Variants in HIBADH observed in about 807,000 individuals in gnomAD.
HIBADH encodes 3-hydroxyisobutyrate dehydrogenase, also known as 3-hydroxyisobutyrate dehydrogenase, mitochondrial.
Under a neutral mutation model 36.1 loss-of-function variants are expected in HIBADH, and 25 were observed. That is an observed-to-expected ratio of 0.69 (90% CI 0.50 to 0.97). The LOEUF (loss-of-function observed/expected upper bound fraction) is 0.97. Among genes scored for constraint, HIBADH ranks in the 50% least tolerant of loss-of-function variants. The probability of loss-of-function intolerance (pLI) is 0.00; values close to 1 mark genes in which losing one functional copy is unlikely to be tolerated. For synonymous variants in HIBADH, 160 were observed against 149.5 expected, an observed-to-expected ratio of 1.07 and a Z score of -0.51; for missense variants, 421 against 418.0, an observed-to-expected ratio of 1.01 and a Z score of -0.06.
chr7:27,644,599 C>CGAAA (rs1403972269), intron 2 of HIBADH, among the ~76,000 whole-genome samples: 1 of 112,686 alleles, frequency 8.9e-6, no homozygotes, highest in African/African-American at 3.6e-5. Context: ...GACTCCATCT[C>CGAAA]AAAAAAAAAA....
chr7:27,626,325 T>C (rs1378730318), intron 4 of HIBADH, among the ~76,000 whole-genome samples: 1 of 152,166 alleles, frequency 6.6e-6, no homozygotes, highest in African/African-American at 2.4e-5. Context: ...TATAAACTAC[T>C]ATCTATACTA....
At chr7:27,605,812 A>C (rs1278908256) in intron 4 of HIBADH, among the ~76,000 whole-genome samples, 3 of 152,084 alleles carry the variant, frequency 2.0e-5, no homozygotes, top group Non-Finnish European at 4.4e-5. Flanking sequence ...AAATCGTTAT[A>C]TCTTTAACAA....
At chr7:27,613,171 A>AT (rs1418563685) in intron 4 of HIBADH, among the ~76,000 whole-genome samples, 170 of 8,022 alleles carry the variant, frequency 0.021, no homozygotes, top group East Asian at 0.1. Context: ...ATATATTTAT[A>AT]TAAATATATT....
chr7:27,644,833 C>T (rs995031510), intron 2 of HIBADH, among the ~76,000 whole-genome samples: 3 of 151,830 alleles, frequency 2.0e-5, no homozygotes, highest in African/African-American at 4.8e-5. Context: ...TTTCCCTCTT[C>T]CCCAGCGCTA....
chr7:27,549,265 T>A (rs1338732278), intron 4 of HIBADH, among the ~76,000 whole-genome samples: 1 of 152,184 alleles, frequency 6.6e-6, no homozygotes, highest in African/African-American at 2.4e-5. Context: ...TGAGAGTAGA[T>A]TTTAAGTGCT....
At chr7:27,624,238 G>A (rs926535288) in intron 4 of HIBADH, among the ~76,000 whole-genome samples, 1 of 151,822 alleles carries the variant, frequency 6.6e-6, no homozygotes, top group Admixed American at 6.6e-5. Flanking sequence ...AAAAGAGCCC[G>A]ATTATTCAAA....
intron 4 of HIBADH, among the ~76,000 whole-genome samples, chr7:27,596,771 G>C (rs1446826114): frequency 6.6e-6 from 1 of 152,120 alleles, no homozygotes; most frequent in Non-Finnish European, 1.5e-5. Flanking sequence ...GTACTTACTG[G>C]CTGAGCATCC....
intron 4 of HIBADH, among the ~76,000 whole-genome samples, chr7:27,601,470 A>G (rs1367339491): frequency 6.6e-6 from 1 of 152,076 alleles, no homozygotes; most frequent in Non-Finnish European, 1.5e-5. Context: ...AAATACCTAT[A>G]CTATAAACGT....
chr7:27,576,170 A>G (rs1307180619), intron 4 of HIBADH, among the ~76,000 whole-genome samples: 1 of 152,212 alleles, frequency 6.6e-6, no homozygotes, highest in East Asian at 1.9e-4. Flanking sequence ...ATGAGGGAGG[A>G]GGAGGAACTG....
intron 1 of HIBADH, among the ~76,000 whole-genome samples, chr7:27,661,856 TAAC>T (rs1786427715): frequency 6.6e-6 from 1 of 152,096 alleles, no homozygotes; most frequent in African/African-American, 2.4e-5. Context: ...GAACAACTGA[TAAC>T]AACTTTCTAG....
At position 27,649,485 on chromosome 7, in the gene HIBADH, A is replaced by T. The variant is rs1305940499; in HGVS notation, c.240T>A (p.Asp80Glu). The change falls in exon 2 of 8, where the codon GAT becomes GAA. Residue 80 changes from aspartate to glutamate, a missense_variant. Coordinates refer to ENST00000265395, the MANE Select transcript of HIBADH (RefSeq NM_152740.4). ...VFPDACKEFQ[D>E]AGEQVVSSPA... ...GAAAAGGTCTTACCTGTTCACCTGC[A>T]TCTTGAAACTCTTTGCAGGCATCAG... The T allele has an allele frequency of 6.2e-7, 1 of 1,611,494 alleles. No individual in the cohort carries two copies. The highest frequency in any genetic ancestry group is 2.2e-5 in the East Asian group (1 of 44,852).
intron 4 of HIBADH, among the ~76,000 whole-genome samples, chr7:27,594,912 C>T (rs961485774): frequency 6.6e-5 from 10 of 152,134 alleles, no homozygotes; most frequent in African/African-American, 1.7e-4. Context: ...TAGATTTCTA[C>T]GCTCACCCCT....
At chr7:27,621,236 A>G (rs1435533987) in intron 4 of HIBADH, among the ~76,000 whole-genome samples, 3 of 152,182 alleles carry the variant, frequency 2.0e-5, no homozygotes, top group Non-Finnish European at 4.4e-5. Flanking sequence ...CATAAAACAA[A>G]TATTACTAGA....
intron 4 of HIBADH, among the ~76,000 whole-genome samples, chr7:27,601,162 A>T (rs1368794053): frequency 6.6e-6 from 1 of 152,082 alleles, no homozygotes; most frequent in Non-Finnish European, 1.5e-5. Context: ...TTTTTAACAT[A>T]ATCTAGAAAG....
At chr7:27,534,891 A>G (rs1383345372) in intron 6 of HIBADH, among the ~76,000 whole-genome samples, 1 of 151,492 alleles carries the variant, frequency 6.6e-6, no homozygotes, top group African/African-American at 2.4e-5. Flanking sequence ...TAATCTTCAC[A>G]ACAACCCAGT....
At chr7:27,661,357 T>G (rs759666382) in intron 1 of HIBADH, among the ~76,000 whole-genome samples, 3 of 151,786 alleles carry the variant, frequency 2.0e-5, no homozygotes, top group African/African-American at 7.2e-5. Context: ...TCCCAACGCT[T>G]TGGGAGGATC....
intron 2 of HIBADH, among the ~76,000 whole-genome samples, chr7:27,635,147 C>G (rs1785817498): frequency 6.6e-6 from 1 of 151,442 alleles, no homozygotes; most frequent in Admixed American, 6.6e-5. Flanking sequence ...ATTTGTACTA[C>G]AAAGGCATGT....
At chr7:27,651,612 A>G (rs1460892483) in intron 1 of HIBADH, among the ~76,000 whole-genome samples, 1 of 152,228 alleles carries the variant, frequency 6.6e-6, no homozygotes, top group Non-Finnish European at 1.5e-5. Context: ...TAGGAAGATT[A>G]TAATTTAAAG....
At chr7:27,615,190 C>G (rs1460248382) in intron 4 of HIBADH, among the ~76,000 whole-genome samples, 1 of 152,020 alleles carries the variant, frequency 6.6e-6, no homozygotes, top group Non-Finnish European at 1.5e-5. Context: ...TTATGAGAAT[C>G]CCTTCTGATA....
Sources: allele counts gnomAD v4.1 joint callset (sites outside exome capture counted in the v4.1 genomes callset), GRCh38; gene constraint gnomAD v4.1.1; transcripts MANE v1.5; gene names NCBI Gene and HGNC (gene_info 2026-07-23, HGNC 2026-07-21).